Variants in PALM2AKAP2 observed in about 807,000 individuals in gnomAD.
The protein encoded by PALM2AKAP2 is PALM2 and AKAP2 fusion.
Under a neutral mutation model 71.5 loss-of-function variants are expected in PALM2AKAP2, and 37 were observed. The observed-to-expected ratio is 0.52, with a 90% CI of 0.40 to 0.68. The LOEUF is 0.68. Among genes scored for constraint, PALM2AKAP2 ranks in the 30% least tolerant of loss-of-function variants. PALM2AKAP2 has a pLI of 0.00. For synonymous variants in PALM2AKAP2, 468 were observed against 478.8 expected, an observed-to-expected ratio of 0.98 and a Z score of 0.29; for missense variants, 1,224 against 1,191.8, an observed-to-expected ratio of 1.03 and a Z score of -0.40.
intron 2 of PALM2AKAP2, 67 bp from the exon 3 acceptor site, chr9:109,880,484 G>A: frequency 2.5e-6 from 4 of 1,583,644 alleles, no homozygotes; most frequent in Non-Finnish European, 3.4e-6. Context: ...CAGCACCACT[G>A]CAGAGGGAGA....
At chr9:110,166,792 G>C (rs949027145) in intron 3 of PALM2AKAP2, among the ~76,000 whole-genome samples, 1 of 152,128 alleles carries the variant, frequency 6.6e-6, no homozygotes. Flanking sequence ...ATGGACCCCC[G>C]ATCTCCCATC....
intron 1 of PALM2AKAP2, among the ~76,000 whole-genome samples, chr9:109,861,023 G>C (rs1470963518): frequency 6.6e-6 from 1 of 152,226 alleles, no homozygotes; most frequent in African/African-American, 2.4e-5. Context: ...TAAATTCTGT[G>C]ATCTCATGAT....
intron 1 of PALM2AKAP2, among the ~76,000 whole-genome samples, chr9:110,057,915 C>T (rs1471060780): frequency 6.6e-6 from 1 of 152,210 alleles, no homozygotes; most frequent in Non-Finnish European, 1.5e-5. Context: ...ACTATGCATC[C>T]TGGCCAAGAC....
intron 2 of PALM2AKAP2, among the ~76,000 whole-genome samples, chr9:110,149,021 T>C (rs1660932335): frequency 1.3e-5 from 2 of 152,206 alleles, no homozygotes; most frequent in African/African-American, 4.8e-5. Flanking sequence ...GCAGATTCTT[T>C]TCTCTGCCTC....
At chr9:109,955,620 A>G (rs1831732468) in intron 6 of PALM2AKAP2, among the ~76,000 whole-genome samples, 1 of 150,672 alleles carries the variant, frequency 6.6e-6, no homozygotes, top group Admixed American at 6.7e-5. Context: ...TGGTTGTAGA[A>G]TACTACTATT....
At chr9:109,802,743 C>T (rs898490956) in intron 1 of PALM2AKAP2, among the ~76,000 whole-genome samples, 2 of 152,176 alleles carry the variant, frequency 1.3e-5, no homozygotes, top group Non-Finnish European at 2.9e-5. Context: ...TATGACCACA[C>T]CTAGGTGCAA....
At chr9:110,067,239 A>G (rs1407927444) in intron 1 of PALM2AKAP2, among the ~76,000 whole-genome samples, 2 of 152,198 alleles carry the variant, frequency 1.3e-5, no homozygotes, top group Non-Finnish European at 2.9e-5. Context: ...CTTCATATTT[A>G]GATTATTTAA....
intron 6 of PALM2AKAP2, among the ~76,000 whole-genome samples, chr9:110,009,583 G>C (rs774368883): frequency 4.0e-5 from 6 of 151,802 alleles, no homozygotes; most frequent in Non-Finnish European, 7.4e-5. Context: ...GCGTGGTAGC[G>C]GGCGCCTGTA....
At chr9:110,097,349 C>T (rs1255220083) in intron 1 of PALM2AKAP2, among the ~76,000 whole-genome samples, 1 of 146,708 alleles carries the variant, frequency 6.8e-6, no homozygotes, top group Non-Finnish European at 1.5e-5. Flanking sequence ...CCCATGTCTA[C>T]CTCTTTCTAC....
intron 1 of PALM2AKAP2, among the ~76,000 whole-genome samples, chr9:109,840,889 G>A (rs887846188): frequency 1.7e-4 from 26 of 152,230 alleles, no homozygotes; most frequent in Non-Finnish European, 2.9e-4. Flanking sequence ...AGAGGATGTG[G>A]AGAAATAGGA....
intron 1 of PALM2AKAP2, among the ~76,000 whole-genome samples, chr9:109,788,523 G>A (rs1045798202): frequency 6.6e-6 from 1 of 152,182 alleles, no homozygotes; most frequent in African/African-American, 2.4e-5. Context: ...GGTCTAGGGT[G>A]ATGTGGCCTG....
rs117922672 is a variant in PALM2AKAP2 at position 110,016,442 on chromosome 9, T to C, written c.582+403T>C. Among the ~76,000 whole-genome samples the C allele has an allele frequency of 3.4e-3, 518 of 152,236 alleles. 4 individuals are homozygous for C. Among genetic ancestry groups the C allele is most frequent in the East Asian group, 0.02 (105 of 5,180 alleles). On this transcript the variant is annotated intron_variant, in intron 7 of 9. Coordinates refer to the PALM2AKAP2 transcript ENST00000302798. ...TGAGAATTCAGGCCCCACTGTGCAT[T>C]GTGAGGAAAGGTCAGAGAGGCATAA...
At chr9:110,025,318 A>G in intron 7 of PALM2AKAP2, 2 of 1,199,930 alleles carry the variant, frequency 1.7e-6, no homozygotes, top group Non-Finnish European at 2.4e-6. Context: ...CCTAGAGAAC[A>G]TATGTCGGGA....
At chr9:109,742,315 T>C (rs1828728741) in intron 1 of PALM2AKAP2, among the ~76,000 whole-genome samples, 1 of 148,732 alleles carries the variant, frequency 6.7e-6, no homozygotes, top group African/African-American at 2.5e-5. Flanking sequence ...TCACAGCCAC[T>C]TGAGTCGACT....
chr9:109,750,584 G>GTGTT (rs1412654761), intron 1 of PALM2AKAP2, among the ~76,000 whole-genome samples: 1 of 151,240 alleles, frequency 6.6e-6, no homozygotes, highest in Non-Finnish European at 1.5e-5. Context: ...GTGTGTGTGT[G>GTGTT]TGTGTGTGTG....
At chr9:109,966,748 G>A (rs1410897340) in intron 6 of PALM2AKAP2, among the ~76,000 whole-genome samples, 3 of 152,216 alleles carry the variant, frequency 2.0e-5, no homozygotes, top group African/African-American at 7.2e-5. Context: ...TTGCTAAGCA[G>A]TGCTTCTTAA....
intron 1 of PALM2AKAP2, among the ~76,000 whole-genome samples, chr9:109,808,574 G>A (rs1213629159): frequency 2.6e-5 from 4 of 152,184 alleles, no homozygotes; most frequent in Admixed American, 6.5e-5. Context: ...GGGAAGCAGA[G>A]CATAAAAGTT....
intron 1 of PALM2AKAP2, among the ~76,000 whole-genome samples, chr9:109,697,666 T>C (rs1443103324): frequency 6.6e-6 from 1 of 152,188 alleles, no homozygotes; most frequent in East Asian, 1.9e-4. Flanking sequence ...GTCAGTACTC[T>C]AAATGAAAAA....
At chr9:109,744,791 T>C (rs560032146) in intron 1 of PALM2AKAP2, among the ~76,000 whole-genome samples, 10 of 152,198 alleles carry the variant, frequency 6.6e-5, no homozygotes, top group Non-Finnish European at 1.2e-4. Flanking sequence ...TTTGACTTCA[T>C]GTGGAGCAGA....
Sources: allele counts gnomAD v4.1 joint callset (sites outside exome capture counted in the v4.1 genomes callset), GRCh38; gene constraint gnomAD v4.1.1; transcripts MANE v1.5; gene names NCBI Gene and HGNC (gene_info 2026-07-23, HGNC 2026-07-21).